Variants in ANO3 observed in about 807,000 individuals in gnomAD.
ANO3 encodes anoctamin-3.
In ANO3, 99 loss-of-function variants were observed where a neutral mutation model predicts 144.8. That is an observed-to-expected ratio of 0.68 (90% CI 0.58 to 0.81). The LOEUF is 0.81. ANO3 is among the 30% of genes least tolerant of loss of function. The pLI, the probability that ANO3 is intolerant of heterozygous loss-of-function variation, is 0.00. For missense variants in ANO3, 905 were observed against 1,202.2 expected, an observed-to-expected ratio of 0.75 and a Z score of 3.66; for synonymous variants, 414 against 392.6, an observed-to-expected ratio of 1.05 and a Z score of -0.64.
intron 14 of ANO3, among the ~76,000 whole-genome samples, chr11:26,562,072 C>G (rs1220697902): frequency 1.3e-5 from 2 of 151,756 alleles, no homozygotes; most frequent in Non-Finnish European, 2.9e-5. Flanking sequence ...TTTTATGCCT[C>G]TATCACAGCA....
intron 17 of ANO3, among the ~76,000 whole-genome samples, chr11:26,611,984 C>T (rs1379111638): frequency 6.6e-6 from 1 of 152,046 alleles, no homozygotes; most frequent in Non-Finnish European, 1.5e-5. Flanking sequence ...TCACTTTCAG[C>T]CTACCTTTGT....
At chr11:26,655,106 A>C (rs781473233) in intron 24 of ANO3, among the ~76,000 whole-genome samples, 33 of 152,158 alleles carry the variant, frequency 2.2e-4, no homozygotes, top group Non-Finnish European at 4.3e-4. Flanking sequence ...ACACTCTAGA[A>C]GATTTCATTC....
chr11:26,425,007 AG>A (rs1857878204), intron 1 of ANO3, among the ~76,000 whole-genome samples: 1 of 151,932 alleles, frequency 6.6e-6, no homozygotes. Flanking sequence ...CATTTACATT[AG>A]GTATATCTCC....
intron 1 of ANO3, among the ~76,000 whole-genome samples, chr11:26,370,381 A>T (rs983862530): frequency 6.6e-6 from 1 of 152,074 alleles, no homozygotes; most frequent in Non-Finnish European, 1.5e-5. Flanking sequence ...AGTCAATTAA[A>T]CCTCTTTTCT....
intron 1 of ANO3, among the ~76,000 whole-genome samples, chr11:26,195,873 C>G (rs1277758221): frequency 6.6e-6 from 1 of 152,096 alleles, no homozygotes; most frequent in Non-Finnish European, 1.5e-5. Context: ...CAGTGAGACA[C>G]CTACTTTGTA....
chr11:26,541,246 G>C (rs943969717), intron 10 of ANO3, among the ~76,000 whole-genome samples: 1 of 152,078 alleles, frequency 6.6e-6, no homozygotes, highest in African/African-American at 2.4e-5. Flanking sequence ...GTTGAACAAT[G>C]AGAATACGTG....
chr11:26,280,471 A>G (rs977817514), intron 1 of ANO3, among the ~76,000 whole-genome samples: 7 of 152,198 alleles, frequency 4.6e-5, no homozygotes, highest in Non-Finnish European at 2.9e-5. Context: ...TTGGAGTCCG[A>G]TATTCAAGGG....
chr11:26,377,846 C>G (rs1370764602), intron 1 of ANO3, among the ~76,000 whole-genome samples: 2 of 152,056 alleles, frequency 1.3e-5, no homozygotes, highest in Non-Finnish European at 2.9e-5. Context: ...ACAATGGAAG[C>G]TATCAGACAG....
chr11:26,542,159 G>A lies in ANO3; in HGVS notation c.1154+91G>A, dbSNP rs1206085124. 7.1e-6 allele frequency: 10 copies of A among 1,401,486 alleles called. No individual in the cohort carries two copies. The Admixed American group carries it at 2.3e-4, about 32-fold the overall frequency. The allele number at this position is 1,401,486 out of a possible 1,614,324, so 86.8% of individuals were successfully genotyped here. On this transcript the variant is annotated intron_variant, in intron 11 of 26. Coordinates refer to ENST00000256737, the MANE Select transcript of ANO3 (RefSeq NM_031418.4). ...AATTATTTATTGTGCTCACCAGTGA[G>A]GATGCAGTCTACAAAAAAGCAACCA...
intron 1 of ANO3, among the ~76,000 whole-genome samples, chr11:26,233,527 A>AGT (rs947130040): frequency 6.6e-6 from 1 of 152,230 alleles, no homozygotes; most frequent in Non-Finnish European, 1.5e-5. Context: ...TGTGGAAGAC[A>AGT]GTGTGGTGGT....
At chr11:26,332,014 T>G (rs1531395), upstream of ANO3, 6 of 1,027,276 alleles carry the variant, frequency 5.8e-6, no homozygotes, top group Admixed American at 1.5e-4. Flanking sequence ...CCCCTCACTG[T>G]GGCACTGGAC....
chr11:26,518,889 G>A (rs1285000985), intron 6 of ANO3, among the ~76,000 whole-genome samples: 6 of 151,830 alleles, frequency 4.0e-5, no homozygotes, highest in African/African-American at 1.5e-4. Context: ...CTGATGAGTG[G>A]GATTGTGGTT....
At chr11:26,265,130 T>A (rs1853279904) in intron 1 of ANO3, among the ~76,000 whole-genome samples, 1 of 152,194 alleles carries the variant, frequency 6.6e-6, no homozygotes, top group African/African-American at 2.4e-5. Context: ...GTATATACTT[T>A]TCTGTCAAAA....
intron 18 of ANO3, among the ~76,000 whole-genome samples, chr11:26,633,167 G>A (rs528916250): frequency 7.2e-5 from 11 of 152,088 alleles, no homozygotes; most frequent in South Asian, 2.1e-4. Context: ...CTTCAATTAC[G>A]TTAAAATATA....
intron 1 of ANO3, among the ~76,000 whole-genome samples, chr11:26,314,407 A>G (rs1255073115): frequency 6.6e-6 from 1 of 152,194 alleles, no homozygotes; most frequent in Non-Finnish European, 1.5e-5. Context: ...AGTGCTTAGC[A>G]TACTAAAAAT....
chr11:26,390,537 G>T (rs1044364625), intron 1 of ANO3, among the ~76,000 whole-genome samples: 2 of 152,122 alleles, frequency 1.3e-5, no homozygotes, highest in South Asian at 4.1e-4. Flanking sequence ...AATCTTATAT[G>T]CATAGAACAC....
chr11:26,477,636 G>A (rs1051229480), intron 4 of ANO3, among the ~76,000 whole-genome samples: 1 of 151,932 alleles, frequency 6.6e-6, no homozygotes, highest in African/African-American at 2.4e-5. Flanking sequence ...TTTTTTCTTT[G>A]TAATTACCTT....
At chr11:26,328,666 G>A (rs1257221289), upstream of ANO3, among the ~76,000 whole-genome samples, 1 of 152,152 alleles carries the variant, frequency 6.6e-6, no homozygotes, top group Non-Finnish European at 1.5e-5. Flanking sequence ...AAGGAGGACA[G>A]GAGACAGGTT....
chr11:26,394,616 T>C (rs1856962405), intron 1 of ANO3, among the ~76,000 whole-genome samples: 1 of 151,036 alleles, frequency 6.6e-6, no homozygotes, highest in African/African-American at 2.4e-5. Context: ...TCACTCTTTT[T>C]GCCCAGACCG....
Sources: gnomAD v4.1 joint callset for allele counts (sites outside exome capture counted in the v4.1 genomes callset) on GRCh38, gnomAD v4.1.1 for gene constraint, MANE v1.5 for transcripts, NCBI Gene and HGNC (gene_info 2026-07-23, HGNC 2026-07-21) for gene names.